The following BMPER variants were observed in gnomAD, a reference collection of about 807,000 sequenced individuals.
BMPER encodes the protein BMP binding endothelial regulator.
In BMPER, 45 loss-of-function variants were observed where a neutral mutation model predicts 87.3. The ratio of observed to expected loss-of-function variants is 0.52; its 90% CI spans 0.41 to 0.66. The LOEUF (loss-of-function observed/expected upper bound fraction) is 0.66. BMPER is among the 30% of genes least tolerant of loss of function. The pLI, the probability that BMPER is intolerant of heterozygous loss-of-function variation, is 0.00. For missense variants in BMPER, 784 were observed against 867.5 expected (o/e 0.90, Z 1.21); for synonymous variants, 326 against 316.2 (o/e 1.03, Z -0.33).
intron 8 of BMPER, 130 bp from the exon 9 acceptor site, chr7:34,055,033 C>A: frequency 2.3e-6 from 3 of 1,300,816 alleles, no homozygotes; most frequent in Non-Finnish European, 3.3e-6. Context: ...AGATTTATTG[C>A]AATAAATTAA....
chr7:33,927,653 ATAT>A (rs528754093), intron 2 of BMPER, among the ~76,000 whole-genome samples: 1 of 152,112 alleles, frequency 6.6e-6, no homozygotes, highest in East Asian at 1.9e-4. Context: ...GAGTTACCTA[ATAT>A]TATTACCACT....
At chr7:33,937,246 GT>G in intron 2 of BMPER, 42 bp from the exon 3 acceptor site, 1 of 1,591,888 alleles carries the variant, frequency 6.3e-7, no homozygotes, top group Non-Finnish European at 8.6e-7. Context: ...GGGGAATTCT[GT>G]TTGATGTCTA....
Position 34,128,429 on chromosome 7 carries a change from T to A in BMPER, c.1746-14801T>A, listed in dbSNP as rs73320493. On this transcript the variant is annotated intron_variant, in intron 13 of 14. Transcript: ENST00000649409. ...AGTAAGTACCCCGCCTTACTCATCTTTGTCCCTTGCTCAGACAAATGGCAC... is the reference window on the plus strand; with the variant it reads ...AGTAAGTACCCCGCCTTACTCATCTATGTCCCTTGCTCAGACAAATGGCAC... 4.3e-3 allele frequency among the ~76,000 whole-genome samples: 662 copies of A among 152,318 alleles called. 4 individuals are homozygous for A. The highest frequency in any genetic ancestry group is 0.015 in the African/African-American group (638 of 41,560).
At chr7:33,921,980 T>TA in intron 2 of BMPER, 2 of 396,286 alleles carry the variant, frequency 5.0e-6, no homozygotes, top group East Asian at 7.4e-5. Context: ...GCTGGCAACT[T>TA]ACAGCCAGCA....
intron 6 of BMPER, among the ~76,000 whole-genome samples, chr7:33,985,965 T>C (rs1460528671): frequency 1.3e-5 from 2 of 152,210 alleles, no homozygotes; most frequent in Non-Finnish European, 2.9e-5. Flanking sequence ...TCTTTACCCC[T>C]CAAATCTTGA....
intron 2 of BMPER, among the ~76,000 whole-genome samples, chr7:33,929,158 G>A (rs538782414): frequency 6.6e-6 from 1 of 152,174 alleles, no homozygotes; most frequent in Non-Finnish European, 1.5e-5. Context: ...GTTTGCCAGG[G>A]CCTGGGTCTC....
intron 11 of BMPER, among the ~76,000 whole-genome samples, chr7:34,064,374 T>C (rs551231688): frequency 2.0e-5 from 3 of 152,220 alleles, no homozygotes; most frequent in Non-Finnish European, 1.5e-5. Flanking sequence ...AAATAGGTGA[T>C]TATTGAGATA....
rs73322307 is a variant in BMPER at position 34,136,325 on chromosome 7, G to A, written c.1746-6905G>A. Among the ~76,000 whole-genome samples, 672 of 152,210 alleles carry A rather than the reference G, an allele frequency of 4.4e-3. 4 individuals are homozygous for A. Among genetic ancestry groups the A allele is most frequent in the African/African-American group, 0.015 (640 of 41,524 alleles). On this transcript the variant is annotated intron_variant, in intron 13 of 14. Coordinates refer to ENST00000649409, the MANE Select transcript of BMPER (RefSeq NM_001365308.1). ...GAAGGATAAGAATGAGTGTGTGAAC[G>A]TGCCTGTATAGGGCTGAGGAAAAGA...
intron 13 of BMPER, among the ~76,000 whole-genome samples, chr7:34,126,423 G>A (rs1434493880): frequency 2.6e-5 from 4 of 152,202 alleles, no homozygotes; most frequent in Non-Finnish European, 5.9e-5. Context: ...TTGATTAAAG[G>A]AGTTTTATGA....
At chr7:34,024,382 ACAATATAT>A (rs1787290704) in intron 6 of BMPER, among the ~76,000 whole-genome samples, 2 of 52,548 alleles carry the variant, frequency 3.8e-5, no homozygotes, top group African/African-American at 2.2e-4. Flanking sequence ...AAAAAAAAAA[ACAATATAT>A]ATATATATAT....
intron 6 of BMPER, among the ~76,000 whole-genome samples, chr7:34,040,246 A>G (rs1396113751): frequency 2.0e-5 from 3 of 152,146 alleles, no homozygotes; most frequent in African/African-American, 7.2e-5. Flanking sequence ...CTGGTGAAGA[A>G]GCATTAATGG....
chr7:33,921,867 C>T, intron 2 of BMPER: 1 of 470,812 alleles, frequency 2.1e-6, no homozygotes, highest in Non-Finnish European at 4.4e-6. Flanking sequence ...GAACCAGACG[C>T]AAACAACGCA....
intron 13 of BMPER, among the ~76,000 whole-genome samples, chr7:34,111,611 A>C (rs1190049590): frequency 1.3e-5 from 2 of 152,250 alleles, no homozygotes; most frequent in African/African-American, 4.8e-5. Context: ...TGTGAATCTC[A>C]CAGGCTAAGA....
chr7:34,120,762 G>A (rs1266559293), intron 13 of BMPER, among the ~76,000 whole-genome samples: 3 of 152,064 alleles, frequency 2.0e-5, no homozygotes, highest in Non-Finnish European at 4.4e-5. Flanking sequence ...TTAGGTAAAC[G>A]AGCTTTAAGA....
At chr7:33,922,575 A>G (rs954152085) in intron 2 of BMPER, among the ~76,000 whole-genome samples, 2 of 152,210 alleles carry the variant, frequency 1.3e-5, no homozygotes, top group African/African-American at 4.8e-5. Flanking sequence ...ATAAGCAGAA[A>G]AGAGGGATGA....
At chr7:34,069,679 T>C (rs1019421882) in intron 11 of BMPER, among the ~76,000 whole-genome samples, 5 of 152,232 alleles carry the variant, frequency 3.3e-5, no homozygotes, top group African/African-American at 1.2e-4. Flanking sequence ...ATATGAGGTT[T>C]GCCAGTTACT....
chr7:33,940,967 AATATAATTTATATATATTATATATTTAT>A (rs1300125124), intron 3 of BMPER, among the ~76,000 whole-genome samples: 1 of 135,430 alleles, frequency 7.4e-6, no homozygotes, highest in Non-Finnish European at 1.5e-5. Context: ...ATTTATATAT[AATATAATTTATATATATTATATATTTAT>A]ATATAATTTA....
intron 2 of BMPER, among the ~76,000 whole-genome samples, chr7:33,912,343 G>C (rs1783986003): frequency 6.6e-6 from 1 of 152,092 alleles, no homozygotes; most frequent in Non-Finnish European, 1.5e-5. Flanking sequence ...GAAGGCTCTC[G>C]ACCCCTTTCC....
chr7:34,058,166 A>G lies in BMPER; in HGVS notation c.1032+3A>G, dbSNP rs761892750. The G allele has an allele frequency of 5.0e-6, 8 of 1,612,714 alleles. No homozygotes were observed. In the Admixed American group the frequency reaches 1.3e-4, roughly 27 times the overall value. On this transcript the variant is annotated splice_donor_region_variant and intron_variant, in intron 10 of 14. Coordinates refer to ENST00000649409, the MANE Select transcript of BMPER (RefSeq NM_001365308.1). ...TTCCCATCAGTAGCTGCCCACAGGT[A>G]TGTTTGGAACACAGATTGACTTTAC...
Sources: gnomAD v4.1 joint callset for allele counts (sites outside exome capture counted in the v4.1 genomes callset) on GRCh38, gnomAD v4.1.1 for gene constraint, MANE v1.5 for transcripts, NCBI Gene and HGNC (gene_info 2026-07-23, HGNC 2026-07-21) for gene names.